ATG2B: variants seen among roughly 807,000 people sequenced by gnomAD.
The protein encoded by ATG2B is autophagy related 2B, also known as autophagy-related protein 2 homolog B.
ATG2B carries 121 observed loss-of-function variants against 241.3 expected under a neutral mutation model. The ratio of observed to expected loss-of-function variants is 0.50; its 90% CI spans 0.43 to 0.58. ATG2B has a LOEUF of 0.58. ATG2B is among the 20% of genes least tolerant of loss of function. The pLI, the probability that ATG2B is intolerant of heterozygous loss-of-function variation, is 0.00. For missense variants in ATG2B, 2,306 were observed against 2,491.6 expected (o/e 0.93, Z 1.59); for synonymous variants, 858 against 876.6 (o/e 0.98, Z 0.37).
At chr14:96,302,961 G>C (rs968705418) in intron 33 of ATG2B, 100 bp downstream of exon 33, 1 of 861,590 alleles carries the variant, frequency 1.2e-6, no homozygotes, top group East Asian at 2.9e-5. Flanking sequence ...AATGAGAAAA[G>C]ATATCTAGTA....
In ATG2B at chr14:96,302,083, C is replaced by A. The variant is rs1463330372; in HGVS notation, c.5063G>T (p.Cys1688Phe). 2 of 1,613,874 alleles carry A rather than the reference C, an allele frequency of 1.2e-6. No homozygotes were observed. Among genetic ancestry groups the A allele is most frequent in the Non-Finnish European group, 8.5e-7 (1 of 1,179,852 alleles). ...NMLTVKALHV[C>F]PESGRSPQEC... ...CTGTGGGGACCTGCCAGATTCTGGA[C>A]ACACGTGTAAGGCTTTCACTGTCAA... The change falls in exon 34 of 42, where the codon TGT (cysteine) becomes TTT (phenylalanine). Residue 1688 changes from cysteine to phenylalanine, a missense_variant. Around this residue, in one of 2 missense-constraint regions of ATG2B, gnomAD observed 1,927 missense variants for 2,011.2 expected, o/e 0.96. Coordinates refer to ENST00000359933, the MANE Select transcript of ATG2B (RefSeq NM_018036.7).
chr14:96,319,889 AGGGGCAAAGGATGCAAACCC>A (rs2139868051), intron 18 of ATG2B, among the ~76,000 whole-genome samples: 1 of 152,304 alleles, frequency 6.6e-6, no homozygotes, highest in East Asian at 1.9e-4. Flanking sequence ...AAGCCGGATA[AGGGGCAAAGGATGCAAACCC>A]TGAGGAAGTT....
chr14:96,348,708 TACA>T (rs2066397063), intron 1 of ATG2B, among the ~76,000 whole-genome samples: 1 of 151,484 alleles, frequency 6.6e-6, no homozygotes, highest in Non-Finnish European at 1.5e-5. Flanking sequence ...TAATTAATAG[TACA>T]ACAAGGTGGC....
intron 1 of ATG2B, among the ~76,000 whole-genome samples, chr14:96,351,735 C>CA (rs547639757): frequency 4.0e-3 from 494 of 122,500 alleles, no homozygotes; most frequent in Middle Eastern, 8.0e-3. Flanking sequence ...GACTCCGTCT[C>CA]AAAAAAAAAA....
At position 96,333,827 on chromosome 14, in the gene ATG2B, T is replaced by A; in HGVS notation, c.1068A>T (p.Arg356=). ...GATACTCGTCTTCCTGCTGCATGGG[T>A]CGATTTTTCCTATCTTTATTAGCTA... ...IGLANKDRKN[R]PMQQEDEYRI... is the part of the protein sequence containing the mutation. Residue 356 remains arginine (R), a synonymous_variant, in exon 8 of 42, where the codon CGA becomes CGT. Coordinates refer to ENST00000359933, the MANE Select transcript of ATG2B (RefSeq NM_018036.7). 6.2e-7 allele frequency: 1 copy of A among 1,613,878 alleles called. No homozygotes were observed. The highest frequency in any genetic ancestry group is 1.1e-5 in the South Asian group (1 of 91,070).
chr14:96,361,386 T>C (rs1331772182), intron 1 of ATG2B, among the ~76,000 whole-genome samples: 1 of 152,190 alleles, frequency 6.6e-6, no homozygotes, highest in Non-Finnish European at 1.5e-5. Flanking sequence ...ACTCCATCTG[T>C]AAAATGGAAA....
At chr14:96,291,543 T>G in intron 38 of ATG2B, 57 bp downstream of exon 38, 1 of 1,318,776 alleles carries the variant, frequency 7.6e-7, no homozygotes, top group Admixed American at 2.0e-5. Flanking sequence ...TTTTTAAATT[T>G]GTTGTACACT....
chr14:96,285,588 G>C lies in ATG2B; in HGVS notation c.*167C>G. On this transcript the variant is annotated 3_prime_UTR_variant, in exon 42 of 42. Transcript: ENST00000359933. This position sits in a 1 kb window ranked among gnomAD's most constrained non-coding sequence, Gnocchi z 4.2. ...AGGCAAGTATCAACTATAAATGTCA[G>C]AAGTTTTTGGTTGCATGTTGTTTTG... 1 of 643,178 alleles carries C rather than the reference G, an allele frequency of 1.6e-6. No homozygotes were observed. Among genetic ancestry groups the C allele is most frequent in the Non-Finnish European group, 2.7e-6 (1 of 371,824 alleles). The allele number at this position is 643,178 out of a possible 1,614,324, so 39.8% of individuals were successfully genotyped here. A position where few individuals can be genotyped will look rare whatever the true frequency, so the allele number is the denominator to read the frequency against.
intron 1 of ATG2B, among the ~76,000 whole-genome samples, chr14:96,358,759 ATT>A (rs143140997): frequency 3.5e-4 from 52 of 147,342 alleles, no homozygotes; most frequent in South Asian, 8.5e-4. Context: ...CCTATCAAGT[ATT>A]TTTTTTTTTT....
At chr14:96,340,160 A>G in intron 6 of ATG2B, among the ~76,000 whole-genome samples, 1 of 77,076 alleles carries the variant, frequency 1.3e-5, no homozygotes, top group Middle Eastern at 8.8e-3. Context: ...TATATATATC[A>G]TATATGATAT....
At chr14:96,345,045 CA>C (rs879481149) in intron 3 of ATG2B, among the ~76,000 whole-genome samples, 187 bp downstream of exon 3, 79 of 133,118 alleles carry the variant, frequency 5.9e-4, no homozygotes, top group African/African-American at 1.2e-3. Context: ...AACTAAGGTA[CA>C]AAAAAAAAAA....
Position 96,322,611 on chromosome 14 carries a change from C to T in ATG2B, c.2665G>A (p.Asp889Asn), listed in dbSNP as rs1357751314. 6.2e-7 allele frequency: 1 copy of T among 1,613,722 alleles called. No individual in the cohort carries two copies. The highest frequency in any genetic ancestry group is 2.2e-5 in the East Asian group (1 of 44,844). ...GCTGGTCTTCTTAGATCACAAACAT[C>T]TTTCAAGGAATGAGCACCTCCTTCC... Reference protein sequence around the residue: ...EEEGGAHSLKDVCDLRRPAPS... With the variant: ...EEEGGAHSLKNVCDLRRPAPS... Residue 889 changes from aspartate to asparagine, a missense_variant, in exon 17 of 42, where the codon GAT (aspartate) becomes AAT (asparagine). Physicochemically the swap from Asp to Asn is conservative, Grantham distance 23. Transcript: ENST00000359933.
Position 96,317,840 on chromosome 14 carries a change from C to A in ATG2B, c.2895G>T (p.Leu965Phe), listed in dbSNP as rs1223185074. ...EKLYNRIFND[L>F]LLWEPTAPSP... Reference sequence around the variant, plus strand: ...AAGGAGCTGTTGGTTCCCACAGTAGCAAGTCATTAAAGATCCTATAAAGAC... The same window carrying A: ...AAGGAGCTGTTGGTTCCCACAGTAGAAAGTCATTAAAGATCCTATAAAGAC... The change falls in exon 19 of 42, where the codon TTG becomes TTT. Residue 965 changes from leucine (L) to phenylalanine (F), a missense_variant. By Grantham distance (22) the Leu-to-Phe change is conservative. Coordinates refer to ENST00000359933, the MANE Select transcript of ATG2B (RefSeq NM_018036.7). 2 of 1,606,712 alleles carry A rather than the reference C, an allele frequency of 1.2e-6. No homozygotes were observed. Among genetic ancestry groups the A allele is most frequent in the South Asian group, 1.1e-5 (1 of 89,768 alleles).
intron 15 of ATG2B, among the ~76,000 whole-genome samples, chr14:96,324,751 GT>G (rs1887546316): frequency 6.6e-6 from 1 of 152,102 alleles, no homozygotes; most frequent in Non-Finnish European, 1.5e-5. Flanking sequence ...AGAATAATGA[GT>G]TTCTCACCAC....
At chr14:96,317,563 A>G (rs1327513297) in intron 19 of ATG2B, 135 bp downstream of exon 19, 1 of 766,218 alleles carries the variant, frequency 1.3e-6, no homozygotes, top group East Asian at 2.8e-5. Context: ...AAATATTCTT[A>G]TAAATTACTA....
At chr14:96,319,884 G>A (rs996993768) in intron 18 of ATG2B, among the ~76,000 whole-genome samples, 5 of 152,048 alleles carry the variant, frequency 3.3e-5, no homozygotes, top group African/African-American at 1.2e-4. Flanking sequence ...ATACAAAGCC[G>A]GATAAGGGGC....
At position 96,298,333 on chromosome 14, in the gene ATG2B, A is replaced by G. The variant is rs185234472; in HGVS notation, c.5140-2773T>C. 5.9e-5 allele frequency among the ~76,000 whole-genome samples: 9 copies of G among 152,336 alleles called. No individual in the cohort carries two copies. In the East Asian group the frequency reaches 1.7e-3, roughly 29 times the overall value. ...TCATGGCTATTGGTGGGAATATGCAATGCAACAGCCACTGTGAAGAATTGT... is the reference window on the plus strand; with the variant it reads ...TCATGGCTATTGGTGGGAATATGCAGTGCAACAGCCACTGTGAAGAATTGT... On this transcript the variant is annotated intron_variant, in intron 34 of 41. Coordinates refer to ENST00000359933, the MANE Select transcript of ATG2B (RefSeq NM_018036.7).
At chr14:96,339,853 C>T (rs112313539) in intron 6 of ATG2B, among the ~76,000 whole-genome samples, 4,572 of 151,532 alleles carry the variant, frequency 0.03, 110 homozygotes, top group South Asian at 0.048. Flanking sequence ...CCAAAAACCA[C>T]CTGTATCCCA....
Position 96,285,830 on chromosome 14 carries a change from C to A in ATG2B, c.6162G>T (p.Leu2054=), listed in dbSNP as rs1488961248. The A allele has an allele frequency of 6.2e-7, 1 of 1,614,054 alleles. No individual in the cohort carries two copies. Among genetic ancestry groups the A allele is most frequent in the African/African-American group, 1.3e-5 (1 of 74,920 alleles). The change falls in exon 42 of 42, where the codon CTG becomes CTT. Residue 2054 remains leucine (L), a synonymous_variant. Transcript: ENST00000359933. This position sits in a 1 kb window ranked among gnomAD's most constrained non-coding sequence, Gnocchi z 4.2. The part of the protein sequence containing the change: ...IVATEATSNV[L]GGMRNQIRPD... ...GCCTAATTTGGTTTCTCATGCCACC[C>A]AGCACGTTTGACGTTGCTTCTGTGG...
Sources: allele counts gnomAD v4.1 joint callset (sites outside exome capture counted in the v4.1 genomes callset), GRCh38; gene constraint gnomAD v4.1.1; regional missense constraint gnomAD v4.1.1; non-coding constraint Gnocchi (gnomAD v3.1); transcripts MANE v1.5; gene names NCBI Gene and HGNC (gene_info 2026-07-23, HGNC 2026-07-21).